Variants in ANKRD12 observed in about 807,000 individuals in gnomAD.
The protein encoded by ANKRD12 is ankyrin repeat domain-containing protein 12.
Under a neutral mutation model 183.4 loss-of-function variants are expected in ANKRD12, and 85 were observed. The observed-to-expected ratio is 0.46, with a 90% CI of 0.39 to 0.56. The LOEUF is 0.56. ANKRD12 is among the 20% of genes least tolerant of loss of function. The pLI, the probability that ANKRD12 is intolerant of heterozygous loss-of-function variation, is 0.00. For missense variants in ANKRD12, 2,405 were observed against 2,357.1 expected, an observed-to-expected ratio of 1.02 and a Z score of -0.42; for synonymous variants, 914 against 800.2, an observed-to-expected ratio of 1.14 and a Z score of -2.40.
rs186483244 is a variant in ANKRD12, at chr18:9,162,518, C to G, written c.-51-19864C>G. On this transcript the variant is annotated intron_variant, in intron 1 of 12. Coordinates refer to ENST00000262126, the MANE Select transcript of ANKRD12 (RefSeq NM_015208.5). ...GAGTGGTGCAGTGAAGATACACATG[C>G]ATGTATCTTTGTAATAGAATGATTT... 5.9e-3 allele frequency among the ~76,000 whole-genome samples: 898 copies of G among 152,220 alleles called. 3 individuals carry two copies. Among genetic ancestry groups the G allele is most frequent in the Non-Finnish European group, 9.0e-3 (610 of 68,012 alleles).
At chr18:9,242,995 A>G (rs1356259509) in intron 8 of ANKRD12, among the ~76,000 whole-genome samples, 3 of 152,194 alleles carry the variant, frequency 2.0e-5, no homozygotes, top group Non-Finnish European at 4.4e-5. Context: ...AAATTTAGAA[A>G]TGGAAATTTA....
At chr18:9,196,121 A>AGTGCTTTT in intron 3 of ANKRD12, among the ~76,000 whole-genome samples, 1 of 44,802 alleles carries the variant, frequency 2.2e-5, no homozygotes, top group Non-Finnish European at 5.9e-5. Context: ...ACACACACAC[A>AGTGCTTTT]CACACACACA....
intron 8 of ANKRD12, among the ~76,000 whole-genome samples, chr18:9,227,916 A>G (rs1395773066): frequency 2.0e-5 from 3 of 152,074 alleles, no homozygotes; most frequent in East Asian, 1.9e-4. Flanking sequence ...ATCTAACCCT[A>G]TGTTTGTATC....
intron 2 of ANKRD12, among the ~76,000 whole-genome samples, chr18:9,187,042 T>C (rs1248043052): frequency 2.0e-5 from 3 of 152,188 alleles, no homozygotes; most frequent in South Asian, 2.1e-4. Context: ...ATTACAGGCG[T>C]GAGCCACTGC....
At position 9,199,538 on chromosome 18, in the gene ANKRD12, G is replaced by C. The variant is rs143049881; in HGVS notation, c.235+3840G>C. 2.4e-4 allele frequency among the ~76,000 whole-genome samples: 37 copies of C among 152,144 alleles called. No homozygotes were observed. The East Asian group carries it at 7.1e-3, about 29-fold the overall frequency. Reference sequence around the variant, plus strand: ...GACGTAAGGAAATAACAGAAAAAAGGGTAGGGAATAAGGAGAAAGCATATC... The same window carrying C: ...GACGTAAGGAAATAACAGAAAAAAGCGTAGGGAATAAGGAGAAAGCATATC... On this transcript the variant is annotated intron_variant, in intron 3 of 12. Coordinates refer to ENST00000262126, the MANE Select transcript of ANKRD12 (RefSeq NM_015208.5).
intron 1 of ANKRD12, among the ~76,000 whole-genome samples, chr18:9,138,990 A>G (rs1180738667): frequency 1.3e-5 from 2 of 152,242 alleles, no homozygotes; most frequent in Non-Finnish European, 2.9e-5. Flanking sequence ...GTACTTATGT[A>G]GGATACTTTT....
intron 1 of ANKRD12, among the ~76,000 whole-genome samples, chr18:9,158,866 TC>T (rs1202245115): frequency 6.6e-6 from 1 of 152,200 alleles, no homozygotes; most frequent in Non-Finnish European, 1.5e-5. Context: ...TCAATGTCTC[TC>T]ATTTATTCAC....
At chr18:9,210,550 G>A (rs2035737150) in intron 5 of ANKRD12, among the ~76,000 whole-genome samples, 1 of 151,654 alleles carries the variant, frequency 6.6e-6, no homozygotes, top group African/African-American at 2.4e-5. Context: ...GTGAAACCCT[G>A]TCTCTACTAA....
chr18:9,263,386 GCAGA>G (rs1313654429), intron 9 of ANKRD12, among the ~76,000 whole-genome samples: 1 of 109,082 alleles, frequency 9.2e-6, no homozygotes, highest in Non-Finnish European at 2.2e-5. Flanking sequence ...TATCATGTCT[GCAGA>G]CAGACCTCAC....
Position 9,203,008 on chromosome 18 carries a change from T to A in ANKRD12, c.236-1468T>A, listed in dbSNP as rs80029451. Reference sequence around the variant, plus strand: ...TAATCTATTAAAATAATATCTGCTTTCAATAATTCATTTAATCCAATTGGC... The same window carrying A: ...TAATCTATTAAAATAATATCTGCTTACAATAATTCATTTAATCCAATTGGC... On this transcript the variant is annotated intron_variant, in intron 3 of 12. Transcript: ENST00000262126. 1.4e-3 allele frequency among the ~76,000 whole-genome samples: 209 copies of A among 152,358 alleles called. 1 individual carries two copies. Among genetic ancestry groups the A allele is most frequent in the African/African-American group, 4.9e-3 (203 of 41,584 alleles).
At chr18:9,184,621 T>G (rs1303737923) in intron 2 of ANKRD12, among the ~76,000 whole-genome samples, 1 of 152,142 alleles carries the variant, frequency 6.6e-6, no homozygotes, top group Non-Finnish European at 1.5e-5. Flanking sequence ...GCCACCTGCC[T>G]CAGCCTCCCA....
chr18:9,180,398 A>G (rs1260597753), intron 1 of ANKRD12, among the ~76,000 whole-genome samples: 1 of 151,798 alleles, frequency 6.6e-6, no homozygotes, highest in Non-Finnish European at 1.5e-5. Context: ...ACTTTCTGGC[A>G]TTCTCTGTCT....
chr18:9,269,339 T>A (rs1465962210), intron 10 of ANKRD12, among the ~76,000 whole-genome samples: 2 of 152,204 alleles, frequency 1.3e-5, no homozygotes, highest in African/African-American at 4.8e-5. Flanking sequence ...AGAACAAAGC[T>A]GGAGGCATCA....
At chr18:9,205,138 T>C (rs1482375084) in intron 4 of ANKRD12, among the ~76,000 whole-genome samples, 1 of 152,222 alleles carries the variant, frequency 6.6e-6, no homozygotes, top group Non-Finnish European at 1.5e-5. Context: ...TGGCACCTGT[T>C]ATTTTATGTT....
At chr18:9,187,060 C>T (rs750445345) in intron 2 of ANKRD12, among the ~76,000 whole-genome samples, 7 of 152,026 alleles carry the variant, frequency 4.6e-5, no homozygotes, top group Admixed American at 1.3e-4. Context: ...TGCGCCTGGC[C>T]GATTGTCTTT....
chr18:9,237,459 T>C (rs2037410683), intron 8 of ANKRD12, among the ~76,000 whole-genome samples: 1 of 152,184 alleles, frequency 6.6e-6, no homozygotes, highest in African/African-American at 2.4e-5. Context: ...ATCCTATGTT[T>C]ATTATAACAT....
chr18:9,173,628 A>AGGGGGGGGGGGGGGGGGGGGGG (rs775694472), intron 1 of ANKRD12, among the ~76,000 whole-genome samples: 1 of 51,252 alleles, frequency 2.0e-5, no homozygotes, highest in African/African-American at 7.3e-5. Context: ...GGGGGGGGGT[A>AGGGGGGGGGGGGGGGGGGGGGG]GGGGGGGCAG....
chr18:9,280,905 A>T (rs2040083324), intron 12 of ANKRD12, 36 bp from the exon 13 acceptor site: 1 of 1,582,000 alleles, frequency 6.3e-7, no homozygotes, highest in African/African-American at 1.4e-5. Flanking sequence ...CAAAGTTAAC[A>T]GAATAATCAA....
intron 8 of ANKRD12, among the ~76,000 whole-genome samples, chr18:9,236,830 T>TA (rs2037376823): frequency 6.6e-6 from 1 of 152,152 alleles, no homozygotes; most frequent in Non-Finnish European, 1.5e-5. Flanking sequence ...CCCCTTGACA[T>TA]ACATTGGCCA....
Sources: allele counts gnomAD v4.1 joint callset (sites outside exome capture counted in the v4.1 genomes callset), GRCh38; gene constraint gnomAD v4.1.1; transcripts MANE v1.5; gene names NCBI Gene and HGNC (gene_info 2026-07-23, HGNC 2026-07-21).